ITPRID1: variants seen among roughly 807,000 people sequenced by gnomAD.
The protein encoded by ITPRID1 is protein ITPRID1.
A neutral mutation model predicts 95.4 loss-of-function variants in ITPRID1; 96 were observed. That is an observed-to-expected ratio of 1.01 (90% CI 0.85 to 1.19). The LOEUF is 1.19. Ranked by LOEUF, ITPRID1 falls within the 50% of genes most tolerant of loss-of-function variation. The pLI, the probability that ITPRID1 is intolerant of heterozygous loss-of-function variation, is 0.00. For missense variants in ITPRID1, 1,339 were observed against 1,252.9 expected, an observed-to-expected ratio of 1.07 and a Z score of -1.04; for synonymous variants, 510 against 453.6, an observed-to-expected ratio of 1.12 and a Z score of -1.58.
intron 10 of ITPRID1, among the ~76,000 whole-genome samples, chr7:31,608,704 T>C (rs937782015): frequency 6.6e-6 from 1 of 151,834 alleles, no homozygotes; most frequent in African/African-American, 2.4e-5. Flanking sequence ...TGTATATTGA[T>C]CTTATATCCT....
At chr7:31,561,757 A>C (rs572682270) in intron 5 of ITPRID1, among the ~76,000 whole-genome samples, 1 of 152,272 alleles carries the variant, frequency 6.6e-6, no homozygotes, top group Non-Finnish European at 1.5e-5. Context: ...CCTCATGGGC[A>C]TCCTTCAACT....
chr7:31,574,566 A>C lies in ITPRID1; in HGVS notation c.422A>C (p.Glu141Ala), dbSNP rs1298452948. The C allele has an allele frequency of 6.2e-7, 1 of 1,613,486 alleles. No individual in the cohort carries two copies. The highest frequency in any genetic ancestry group is 1.3e-5 in the African/African-American group (1 of 75,024). Reference protein sequence around the residue: ...QSIPEWLEFWEIDPVEILLDL... With the variant: ...QSIPEWLEFWAIDPVEILLDL... Reference sequence around the variant, plus strand: ...ATTCCTGAATGGCTGGAATTTTGGGAGATAGATCCAGTGGAGATTCTCTTG... The same window carrying C: ...ATTCCTGAATGGCTGGAATTTTGGGCGATAGATCCAGTGGAGATTCTCTTG... The change falls in exon 8 of 15, where the codon GAG becomes GCG. Residue 141 changes from glutamate to alanine, a missense_variant. Glu to Ala is a moderately radical substitution (Grantham distance 107). Coordinates refer to ENST00000615280, the MANE Select transcript of ITPRID1 (RefSeq NM_001257967.3).
At chr7:31,617,772 TTGAAGATAATAAAGATAAAATGAAAA>T (rs1241912298) in intron 10 of ITPRID1, among the ~76,000 whole-genome samples, 1 of 152,090 alleles carries the variant, frequency 6.6e-6, no homozygotes, top group Non-Finnish European at 1.5e-5. Flanking sequence ...TTGGTTGAAA[TTGAAGATAATAAAGATAAAATGAAAA>T]TGAAGATAAA....
intron 1 of ITPRID1, among the ~76,000 whole-genome samples, chr7:31,523,564 G>A (rs143843637): frequency 3.1e-3 from 471 of 152,274 alleles, no homozygotes; most frequent in Admixed American, 6.4e-3. Flanking sequence ...GGGGCCTGGT[G>A]GGAGATGTTT....
chr7:31,518,316 TTCTGACTTCCAGGACCGTAAGGTA>T, intron 1 of ITPRID1: 1 of 152,266 alleles, frequency 6.6e-6, no homozygotes, highest in South Asian at 2.1e-4. Context: ...ATTTTTAGAC[TTCTGACTTCCAGGACCGTAAGGTA>T]ATAAATGTGT....
Position 31,603,670 on chromosome 7 carries a change from C to T in ITPRID1, c.1228+20479C>T, listed in dbSNP as rs138756266. The stretch of plus-strand genomic sequence containing the variant: ...TGTTTAAATAATAAATGTGAATCCC[C>T]GTAGAATTGAATTCAAGGTCTTTCT... On this transcript the variant is annotated intron_variant, in intron 10 of 14. Coordinates refer to ENST00000615280, the MANE Select transcript of ITPRID1 (RefSeq NM_001257967.3). 3.0e-3 allele frequency among the ~76,000 whole-genome samples: 455 copies of T among 152,180 alleles called. 1 individual carries two copies. The highest frequency in any genetic ancestry group is 4.8e-3 in the Non-Finnish European group (329 of 67,998).
chr7:31,618,502 A>C (rs1472558170), intron 10 of ITPRID1, among the ~76,000 whole-genome samples: 4 of 152,176 alleles, frequency 2.6e-5, no homozygotes, highest in South Asian at 2.1e-4. Flanking sequence ...CCAAAGCCTA[A>C]TCCCAAGAAA....
chr7:31,591,444 G>A (rs1562593224), intron 10 of ITPRID1, among the ~76,000 whole-genome samples: 2 of 152,120 alleles, frequency 1.3e-5, no homozygotes, highest in Non-Finnish European at 2.9e-5. Context: ...AGACAAATAG[G>A]GAGACAATTC....
chr7:31,548,700 G>T (rs1419699855), intron 1 of ITPRID1, among the ~76,000 whole-genome samples: 1 of 152,136 alleles, frequency 6.6e-6, no homozygotes, highest in Non-Finnish European at 1.5e-5. Context: ...TGGTCATCCA[G>T]GGGAAGAAGG....
At position 31,625,319 on chromosome 7, in the gene ITPRID1, ACT is replaced by A. The variant is rs1186236965; in HGVS notation, c.1229-16855_1229-16854del. Among the ~76,000 whole-genome samples the A allele has an allele frequency of 6.0e-3, 903 of 151,634 alleles. 10 individuals carry two copies. Among genetic ancestry groups the A allele is most frequent in the African/African-American group, 0.02 (836 of 41,004 alleles). On this transcript the variant is annotated intron_variant, in intron 10 of 14. Transcript: ENST00000615280. ...ATCATGCTGCTATAAAGACACATGC[ACT>A]CATATGTTTATTGCGGCACTATTCA...
chr7:31,584,491 C>A (rs1236300855), intron 10 of ITPRID1, among the ~76,000 whole-genome samples: 1 of 152,208 alleles, frequency 6.6e-6, no homozygotes, highest in Admixed American at 6.5e-5. Flanking sequence ...CCTTGACATT[C>A]TATTAAGAGG....
At chr7:31,595,170 G>A (rs1786032654) in intron 10 of ITPRID1, among the ~76,000 whole-genome samples, 2 of 147,532 alleles carry the variant, frequency 1.4e-5, no homozygotes, top group African/African-American at 2.5e-5. Flanking sequence ...TCAGCCTCCC[G>A]AGTAGCTGGG....
At chr7:31,530,477 G>T (rs1430444564) in intron 1 of ITPRID1, among the ~76,000 whole-genome samples, 2 of 151,980 alleles carry the variant, frequency 1.3e-5, no homozygotes, top group Non-Finnish European at 2.9e-5. Context: ...GTATCTGGGG[G>T]GTATAAGTAT....
At chr7:31,628,158 A>G (rs1278971267) in intron 10 of ITPRID1, among the ~76,000 whole-genome samples, 2 of 152,206 alleles carry the variant, frequency 1.3e-5, no homozygotes, top group Admixed American at 1.3e-4. Context: ...CCATTTTCAA[A>G]AAGTGCCCTG....
chr7:31,556,132 A>C (rs758348989), intron 5 of ITPRID1, among the ~76,000 whole-genome samples: 1 of 152,062 alleles, frequency 6.6e-6, no homozygotes, highest in Non-Finnish European at 1.5e-5. Flanking sequence ...ACTTCCCAGA[A>C]ATTAAAGACA....
chr7:31,651,350 A>C, intron 13 of ITPRID1, 81 bp downstream of exon 13: 1 of 1,453,296 alleles, frequency 6.9e-7, no homozygotes, highest in South Asian at 1.4e-5. Context: ...AGAACAGAGG[A>C]GCACCCTGGA....
chr7:31,517,519 T>C (rs1362309120), intron 1 of ITPRID1: 1 of 153,266 alleles, frequency 6.5e-6, no homozygotes, highest in Non-Finnish European at 1.5e-5. Flanking sequence ...GACCCATCAT[T>C]GTGGCCAACG....
intron 10 of ITPRID1, among the ~76,000 whole-genome samples, chr7:31,585,624 G>C (rs1414359771): frequency 6.6e-6 from 1 of 152,110 alleles, no homozygotes; most frequent in Non-Finnish European, 1.5e-5. Flanking sequence ...TTAAAAAGAT[G>C]AGTCTACTGC....
chr7:31,571,972 G>T, intron 6 of ITPRID1, 130 bp from the exon 7 acceptor site: 1 of 607,906 alleles, frequency 1.6e-6, no homozygotes, highest in East Asian at 2.8e-5. Flanking sequence ...GCAAAGGTGT[G>T]GTCATTATGG....
Sources: allele counts gnomAD v4.1 joint callset (sites outside exome capture counted in the v4.1 genomes callset), GRCh38; gene constraint gnomAD v4.1.1; transcripts MANE v1.5; gene names NCBI Gene and HGNC (gene_info 2026-07-23, HGNC 2026-07-21).